The following TOP1 variants were observed in gnomAD, a reference collection of about 807,000 sequenced individuals.
TOP1 encodes the protein DNA topoisomerase I.
Under a neutral mutation model 111.1 loss-of-function variants are expected in TOP1, and 10 were observed. That is an observed-to-expected ratio of 0.09 (90% CI 0.06 to 0.15). The LOEUF is 0.15. TOP1 is among the 10% of genes least tolerant of loss of function. The pLI is 1.00. For missense variants in TOP1, 474 were observed against 926.7 expected (o/e 0.51, Z 6.34); for synonymous variants, 271 against 302.9 (o/e 0.89, Z 1.10).
intron 3 of TOP1, among the ~76,000 whole-genome samples, 167 bp from the exon 4 acceptor site, chr20:41,076,004 C>G (rs1026488512): frequency 2.0e-5 from 3 of 152,150 alleles, no homozygotes; most frequent in African/African-American, 7.2e-5. Context: ...AAACATCAAA[C>G]AAGATAAAGT....
rs1297736989 is a variant in TOP1 at position 41,115,383 on chromosome 20, C to G, written c.1651C>G (p.Leu551Val). 1 of 1,610,900 alleles carries G rather than the reference C, an allele frequency of 6.2e-7. No individual in the cohort carries two copies. Among genetic ancestry groups the G allele is most frequent in the South Asian group, 1.1e-5 (1 of 90,956 alleles). Residue 551 changes from leucine to valine, a missense_variant, in exon 16 of 21, where the codon CTA becomes GTA. By Grantham distance (32) the Leu-to-Val change is conservative. Around this residue, in one of 14 missense-constraint regions of TOP1, gnomAD observed 18 missense variants for 88.6 expected, o/e 0.20. Coordinates refer to ENST00000361337, the MANE Select transcript of TOP1 (RefSeq NM_003286.4). The surrounding 1 kb of genome is among the most constrained non-coding windows in gnomAD (Gnocchi z 6.3). ...TTATATCTTTTAGGTTTTTAAGAAC[C>G]TACAACTATTTATGGAGAACAAGCA... ...VPVEKRVFKN[L>V]QLFMENKQPE...
chr20:41,113,212 G>T (rs1231751171), intron 14 of TOP1, among the ~76,000 whole-genome samples: 2 of 151,998 alleles, frequency 1.3e-5, no homozygotes, highest in Non-Finnish European at 2.9e-5. Context: ...TAAAGACCAC[G>T]CTCTAGAGGA....
chr20:41,090,688 A>C (rs1334018671), intron 8 of TOP1, among the ~76,000 whole-genome samples: 1 of 144,156 alleles, frequency 6.9e-6, no homozygotes, highest in East Asian at 2.2e-4. Context: ...TTTTTAGTAG[A>C]GACGGGGGGG....
In TOP1 at chr20:41,034,238, T is replaced by C. The variant is rs1802288056; in HGVS notation, c.58+4783T>C. On this transcript the variant is annotated intron_variant, in intron 2 of 20. Transcript: ENST00000361337. This position sits in a 1 kb window ranked among gnomAD's most constrained non-coding sequence, Gnocchi z 4.0. ...ATTGTGTTTAAAGGAAGCTTTCAGA[T>C]TGTGTTTAAACTTCGAGTAGTAATA... Among the ~76,000 whole-genome samples, 1 of 152,242 alleles carries C rather than the reference T, an allele frequency of 6.6e-6. No homozygotes were observed. Among genetic ancestry groups the C allele is most frequent in the Admixed American group, 6.5e-5 (1 of 15,292 alleles).
Position 41,069,369 on chromosome 20 carries a change from C to T in TOP1, c.156-6802C>T, listed in dbSNP as rs777068445. On this transcript the variant is annotated intron_variant, in intron 3 of 20. Transcript: ENST00000361337. The surrounding 1 kb of genome is among the most constrained non-coding windows in gnomAD (Gnocchi z 4.1). ...ACATGGGTAGGCAGAGAAGATTGAA[C>T]AGTTTGGAAATGAGGAAACTCAGTA... Among the ~76,000 whole-genome samples the T allele has an allele frequency of 3.9e-5, 6 of 152,162 alleles. No individual in the cohort carries two copies. The highest frequency in any genetic ancestry group is 5.9e-5 in the Non-Finnish European group (4 of 68,046).
chr20:41,077,732 A>G (rs2033745623), intron 5 of TOP1, 95 bp downstream of exon 5: 1 of 1,159,180 alleles, frequency 8.6e-7, no homozygotes, highest in African/African-American at 1.5e-5. Context: ...CCCAAAACCC[A>G]CTGACCTGGC....
chr20:41,075,990 A>C (rs1416171002), intron 3 of TOP1, among the ~76,000 whole-genome samples, 181 bp from the exon 4 acceptor site: 1 of 152,240 alleles, frequency 6.6e-6, no homozygotes, highest in African/African-American at 2.4e-5. Context: ...CTTTGCAAAA[A>C]TAAAAACATC....
In TOP1 at chr20:41,090,018, G is replaced by A. The variant is rs530325993; in HGVS notation, c.615-2454G>A. Among the ~76,000 whole-genome samples the A allele has an allele frequency of 2.8e-3, 421 of 152,194 alleles. 4 individuals are homozygous for A. The highest frequency in any genetic ancestry group is 0.01 in the Middle Eastern group (3 of 294). Reference sequence around the variant, plus strand: ...AGATGGAGTCTTGCTCTGTCGCCCAGGCTGGAGTGCAGTGGCGCAATCTTG... The same window carrying A: ...AGATGGAGTCTTGCTCTGTCGCCCAAGCTGGAGTGCAGTGGCGCAATCTTG... On this transcript the variant is annotated intron_variant, in intron 8 of 20. Transcript: ENST00000361337.
Position 41,029,326 on chromosome 20 carries a change from G to A in TOP1, c.34-105G>A, listed in dbSNP as rs1426571270. The A allele has an allele frequency of 2.8e-6, 3 of 1,087,212 alleles. No homozygotes were observed. The highest frequency in any genetic ancestry group is 5.8e-5 in the East Asian group (2 of 34,412). 67.3% of individuals were successfully genotyped at this position (1,087,212 alleles called of 1,614,324 possible). A position where few individuals can be genotyped will look rare whatever the true frequency, so the allele number is the denominator to read the frequency against. On this transcript the variant is annotated intron_variant, in intron 1 of 20. Coordinates refer to ENST00000361337, the MANE Select transcript of TOP1 (RefSeq NM_003286.4). The surrounding 1 kb of genome is among the most constrained non-coding windows in gnomAD (Gnocchi z 6.1). ...CCTCTGTGGCCACCCCCGGGTCCCC[G>A]TCCTCCCCGGGGGCGCAGGGTGAGC...
Position 41,122,592 on chromosome 20 carries a change from C to G in TOP1, c.2195+437C>G, listed in dbSNP as rs970648143. 1.3e-5 allele frequency among the ~76,000 whole-genome samples: 2 copies of G among 152,192 alleles called. No homozygotes were observed. Among genetic ancestry groups the G allele is most frequent in the African/African-American group, 4.8e-5 (2 of 41,446 alleles). Reference sequence around the variant, plus strand: ...GATCTGAGCAACTTACACAGAGAGGCAGAGGGACCTTTAACAAAAGCAGAT... The same window carrying G: ...GATCTGAGCAACTTACACAGAGAGGGAGAGGGACCTTTAACAAAAGCAGAT... On this transcript the variant is annotated intron_variant, in intron 20 of 20. Transcript: ENST00000361337. This position sits in a 1 kb window ranked among gnomAD's most constrained non-coding sequence, Gnocchi z 5.4.
Position 41,080,537 on chromosome 20 carries a change from C to G in TOP1, c.431+357C>G, listed in dbSNP as rs2033777100. 6.6e-6 allele frequency among the ~76,000 whole-genome samples: 1 copy of G among 152,164 alleles called. No homozygotes were observed. Among genetic ancestry groups the G allele is most frequent in the Non-Finnish European group, 1.5e-5 (1 of 68,016 alleles). ...TAAAGCAGTTTCTCTTAGACCTATT[C>G]CTGTCAGACATTCTAAGTGAAGTTT... On this transcript the variant is annotated intron_variant, in intron 6 of 20. Transcript: ENST00000361337. The surrounding 1 kb of genome is among the most constrained non-coding windows in gnomAD (Gnocchi z 5.0).
chr20:41,070,352 A>T (rs1321247901), intron 3 of TOP1, among the ~76,000 whole-genome samples: 1 of 152,146 alleles, frequency 6.6e-6, no homozygotes, highest in Non-Finnish European at 1.5e-5. Context: ...AGGAAATTAC[A>T]TTTACCTTGA....
chr20:41,061,044 G>C lies in TOP1; in HGVS notation c.59-350G>C, dbSNP rs2033538163. On this transcript the variant is annotated intron_variant, in intron 2 of 20. Coordinates refer to ENST00000361337, the MANE Select transcript of TOP1 (RefSeq NM_003286.4). The surrounding 1 kb of genome is among the most constrained non-coding windows in gnomAD (Gnocchi z 4.6). Reference sequence around the variant, plus strand: ...GGATTTTTCAGAAGTTATAACATCTGATCTTTAGAGTCAGTGTTCAATACT... The same window carrying C: ...GGATTTTTCAGAAGTTATAACATCTCATCTTTAGAGTCAGTGTTCAATACT... 1.3e-5 allele frequency among the ~76,000 whole-genome samples: 2 copies of C among 152,228 alleles called. No homozygotes were observed. The highest frequency in any genetic ancestry group is 4.1e-4 in the South Asian group (2 of 4,822).
intron 8 of TOP1, among the ~76,000 whole-genome samples, chr20:41,089,085 T>C (rs2033886412): frequency 7.1e-6 from 1 of 140,958 alleles, no homozygotes; most frequent in Non-Finnish European, 1.5e-5. Flanking sequence ...AGTGCAGTGG[T>C]GTGATCTCAG....
At chr20:41,065,865 T>C (rs1460385058) in intron 3 of TOP1, among the ~76,000 whole-genome samples, 1 of 152,220 alleles carries the variant, frequency 6.6e-6, no homozygotes, top group East Asian at 1.9e-4. Context: ...AGTTCCACTT[T>C]CATTCTCCGG....
chr20:41,064,207 G>A (rs539525031), intron 3 of TOP1, among the ~76,000 whole-genome samples: 1 of 152,270 alleles, frequency 6.6e-6, no homozygotes, highest in South Asian at 2.1e-4. Flanking sequence ...CTTTCTTGAA[G>A]ATTAGATTGC....
chr20:41,095,363 G>T lies in TOP1; in HGVS notation c.731-1857G>T, dbSNP rs546311642. Among the ~76,000 whole-genome samples the T allele has an allele frequency of 1.3e-5, 2 of 151,636 alleles. No individual in the cohort carries two copies. The highest frequency in any genetic ancestry group is 2.0e-4 in the East Asian group (1 of 4,900). Reference sequence around the variant, plus strand: ...GCTCAGCCACATTTTTTTTTAAATGGTGTTAACAGTTTACATTTTTTTCTT... The same window carrying T: ...GCTCAGCCACATTTTTTTTTAAATGTTGTTAACAGTTTACATTTTTTTCTT... On this transcript the variant is annotated intron_variant, in intron 9 of 20. Transcript: ENST00000361337. The surrounding 1 kb of genome is among the most constrained non-coding windows in gnomAD (Gnocchi z 4.6).
At position 41,067,854 on chromosome 20, in the gene TOP1, A is replaced by G. The variant is rs1037520335; in HGVS notation, c.155+6364A>G. Reference sequence around the variant, plus strand: ...GGGCTATGGATCCACATCCCAGAAGATGCCATTTGGTTTCCTCTTTATTGT... The same window carrying G: ...GGGCTATGGATCCACATCCCAGAAGGTGCCATTTGGTTTCCTCTTTATTGT... On this transcript the variant is annotated intron_variant, in intron 3 of 20. Coordinates refer to ENST00000361337, the MANE Select transcript of TOP1 (RefSeq NM_003286.4). This position sits in a 1 kb window ranked among gnomAD's most constrained non-coding sequence, Gnocchi z 4.0. Among the ~76,000 whole-genome samples the G allele has an allele frequency of 1.3e-5, 2 of 152,226 alleles. No individual in the cohort carries two copies. The highest frequency in any genetic ancestry group is 2.4e-5 in the African/African-American group (1 of 41,458).
chr20:41,084,517 C>T lies in TOP1; in HGVS notation c.563C>T (p.Pro188Leu). ...NKDKDKKVPE[P>L]DNKKKKPKKE... Reference sequence around the variant, plus strand: ...GATAAAGATAAAAAAGTTCCTGAGCCAGATAACAAGAAAAAGAAGCCGAAG... The same window carrying T: ...GATAAAGATAAAAAAGTTCCTGAGCTAGATAACAAGAAAAAGAAGCCGAAG... Residue 188 changes from proline to leucine, a missense_variant, in exon 8 of 21, where the codon CCA (proline) becomes CTA (leucine). By Grantham distance (98) the Pro-to-Leu change is moderately conservative. This residue lies in a region of TOP1 where 185 missense variants were observed against 226.3 expected (regional missense o/e 0.82). Coordinates refer to ENST00000361337, the MANE Select transcript of TOP1 (RefSeq NM_003286.4). 6.3e-7 allele frequency: 1 copy of T among 1,579,494 alleles called. No individual in the cohort carries two copies. Among genetic ancestry groups the T allele is most frequent in the Non-Finnish European group, 8.6e-7 (1 of 1,161,172 alleles).
Sources: gnomAD v4.1 joint callset for allele counts (sites outside exome capture counted in the v4.1 genomes callset) on GRCh38, gnomAD v4.1.1 for gene constraint, gnomAD v4.1.1 regional missense constraint, Gnocchi (gnomAD v3.1) non-coding constraint, MANE v1.5 for transcripts, NCBI Gene and HGNC (gene_info 2026-07-23, HGNC 2026-07-21) for gene names.